The following CNTN3 variants were observed in gnomAD, a reference collection of about 807,000 sequenced individuals.
CNTN3 encodes contactin 3.
CNTN3 carries 60 observed loss-of-function variants against 119.1 expected under a neutral mutation model. The ratio of observed to expected loss-of-function variants is 0.50; its 90% confidence interval spans 0.41 to 0.62. The LOEUF (loss-of-function observed/expected upper bound fraction) is 0.62, where lower values mean the gene tolerates loss of function less well. Ranked by LOEUF, CNTN3 falls within the 20% of genes least tolerant of loss-of-function variation. The pLI is 0.00. For synonymous variants in CNTN3, 450 were observed against 438.7 expected, an observed-to-expected ratio of 1.03 and a Z score of -0.32; for missense variants, 1,101 against 1,242.4, an observed-to-expected ratio of 0.89 and a Z score of 1.71.
At chr3:74,599,412 A>G (rs1704871139) in intron 1 of CNTN3, among the ~76,000 whole-genome samples, 1 of 152,090 alleles carries the variant, frequency 6.6e-6, no homozygotes, top group African/African-American at 2.4e-5. Flanking sequence ...GCACTCTCCA[A>G]CCTTTTTGGC....
intron 1 of CNTN3, among the ~76,000 whole-genome samples, chr3:74,599,413 C>T (rs1423849153): frequency 2.6e-5 from 4 of 152,092 alleles, no homozygotes; most frequent in Non-Finnish European, 4.4e-5. Flanking sequence ...CACTCTCCAA[C>T]CTTTTTGGCA....
In CNTN3 at chr3:74,499,778, A is replaced by C; in HGVS notation, c.63T>G (p.Leu21=). 6.2e-7 allele frequency: 1 copy of C among 1,603,640 alleles called. No homozygotes were observed. The highest frequency in any genetic ancestry group is 8.5e-7 in the Non-Finnish European group (1 of 1,176,182). The change falls in exon 3 of 23, where the codon CTT becomes CTG. Residue 21 remains leucine, a synonymous_variant. Transcript: ENST00000263665. ...TGATAAATACAGGGCCTTGTAAGAG[A>C]AGCTCACCTATATGGGTGGGAGACA... is the stretch of plus-strand genomic sequence containing the variant. The part of the protein sequence containing the change: ...LSFIGCLGGE[L]LLQGPVFIKE...
At chr3:74,600,545 G>A (rs1704892836) in intron 1 of CNTN3, among the ~76,000 whole-genome samples, 1 of 152,012 alleles carries the variant, frequency 6.6e-6, no homozygotes, top group Non-Finnish European at 1.5e-5. Flanking sequence ...TCTAAGACTT[G>A]CTTTATAAGA....
intron 20 of CNTN3, among the ~76,000 whole-genome samples, chr3:74,281,340 T>A (rs1702003738): frequency 6.6e-6 from 1 of 152,152 alleles, no homozygotes; most frequent in African/African-American, 2.4e-5. Context: ...ATTTTTATTA[T>A]TATTTTTTGA....
chr3:74,396,835 A>G (rs1705070224), intron 5 of CNTN3, among the ~76,000 whole-genome samples: 1 of 152,048 alleles, frequency 6.6e-6, no homozygotes. Flanking sequence ...GGTTTAAGGA[A>G]AGAAGTCATC....
intron 13 of CNTN3, among the ~76,000 whole-genome samples, chr3:74,320,425 A>C (rs996003645): frequency 8.5e-5 from 13 of 152,090 alleles, no homozygotes; most frequent in Admixed American, 7.8e-4. Flanking sequence ...AGGACAAAAA[A>C]CCAAGCACCG....
chr3:74,420,535 T>G (rs1701600285), intron 5 of CNTN3, among the ~76,000 whole-genome samples: 1 of 152,216 alleles, frequency 6.6e-6, no homozygotes. Flanking sequence ...TTTAGTTAAC[T>G]CTGGAGATAT....
chr3:74,559,448 T>C (rs1009118572), intron 1 of CNTN3, among the ~76,000 whole-genome samples: 8 of 152,130 alleles, frequency 5.3e-5, no homozygotes, highest in Admixed American at 5.2e-4. Context: ...TTCCTTGTTA[T>C]CAGGAAGCTT....
intron 11 of CNTN3, among the ~76,000 whole-genome samples, chr3:74,355,072 G>A (rs1470695647): frequency 2.0e-5 from 3 of 152,036 alleles, no homozygotes; most frequent in African/African-American, 7.3e-5. Context: ...TTGTATGCAC[G>A]GATATATCCA....
At chr3:74,541,129 T>C (rs1703837213) in intron 1 of CNTN3, among the ~76,000 whole-genome samples, 1 of 152,162 alleles carries the variant, frequency 6.6e-6, no homozygotes. Context: ...ATCCTGACTG[T>C]AGGAGTGTAA....
In CNTN3 at chr3:74,295,053, G is replaced by T. The variant is rs971366471; in HGVS notation, c.2517+68C>A. On this transcript the variant is annotated intron_variant, in intron 19 of 22. Transcript: ENST00000263665. Reference sequence around the variant, plus strand: ...TTCAAATAAGAGGTCATTGTTAAGGGTTTTAAATTCAAGGAGACAAAGTGG... The same window carrying T: ...TTCAAATAAGAGGTCATTGTTAAGGTTTTTAAATTCAAGGAGACAAAGTGG... The T allele has an allele frequency of 5.5e-6, 6 of 1,091,924 alleles. No homozygotes were observed. In the Admixed American group the frequency reaches 9.7e-5, roughly 18 times the overall value. 67.6% of individuals were successfully genotyped at this position (1,091,924 alleles called of 1,614,324 possible).
rs1471260865 is a variant in CNTN3, at chr3:74,373,821, T to C, written c.455-2422A>G. ...CTATATGACACAGGAAATGACTGAC[T>C]GGTAGAAGAAGGAAGGAAGCCAAAA... On this transcript the variant is annotated intron_variant, in intron 5 of 22. Coordinates refer to ENST00000263665, the MANE Select transcript of CNTN3 (RefSeq NM_020872.3). 4.6e-5 allele frequency among the ~76,000 whole-genome samples: 7 copies of C among 152,118 alleles called. No homozygotes were observed. The South Asian group carries it at 1.2e-3, about 27-fold the overall frequency.
intron 2 of CNTN3, among the ~76,000 whole-genome samples, chr3:74,505,147 A>G (rs1703234680): frequency 6.6e-6 from 1 of 151,776 alleles, no homozygotes; most frequent in African/African-American, 2.4e-5. Flanking sequence ...GGCCCACACT[A>G]ATGACCTCAT....
Position 74,476,065 on chromosome 3 carries a change from C to T in CNTN3, c.358+10391G>A, listed in dbSNP as rs142223454. The stretch of plus-strand genomic sequence containing the variant: ...TGAAAGAAGTTTGTGACATGCCCTA[C>T]GGAGAAAATATAGGTGTTAGCTAAG... On this transcript the variant is annotated intron_variant, in intron 4 of 22. Transcript: ENST00000263665. Among the ~76,000 whole-genome samples the T allele has an allele frequency of 6.9e-4, 105 of 152,148 alleles. 3 individuals carry two copies. In the South Asian group the frequency reaches 7.5e-3, roughly 11 times the overall value.
intron 1 of CNTN3, among the ~76,000 whole-genome samples, chr3:74,566,692 T>C (rs1204499703): frequency 6.6e-6 from 1 of 152,162 alleles, no homozygotes; most frequent in Non-Finnish European, 1.5e-5. Context: ...CTTTACTTGG[T>C]TACATCTGCA....
rs577834619 is a variant in CNTN3, at chr3:74,436,864, G to T, written c.359-11924C>A. 1.6e-4 allele frequency among the ~76,000 whole-genome samples: 24 copies of T among 152,212 alleles called. No homozygotes were observed. In the South Asian group the frequency reaches 5.0e-3, roughly 32 times the overall value. ...AGTAAAACAGCAATTGGAAATCAAA[G>T]AAAATTCATAATGAGTGTGGCTTAT... On this transcript the variant is annotated intron_variant, in intron 4 of 22. Transcript: ENST00000263665.
chr3:74,452,230 C>T (rs1315689434), intron 4 of CNTN3, among the ~76,000 whole-genome samples: 5 of 141,852 alleles, frequency 3.5e-5, no homozygotes, highest in Admixed American at 7.1e-5. Context: ...AGGTCCTTCA[C>T]GTCCCTTGTA....
chr3:74,390,807 T>C (rs1232393190), intron 5 of CNTN3, among the ~76,000 whole-genome samples: 1 of 152,166 alleles, frequency 6.6e-6, no homozygotes, highest in African/African-American at 2.4e-5. Flanking sequence ...GATTTAGCAG[T>C]GTTCAGATAA....
intron 5 of CNTN3, among the ~76,000 whole-genome samples, chr3:74,418,958 T>A (rs986473142): frequency 1.4e-5 from 2 of 139,388 alleles, no homozygotes; most frequent in African/African-American, 5.6e-5. Context: ...GCCTGGATAA[T>A]TTTTTTTTTT....
Sources: allele counts gnomAD v4.1 joint callset (sites outside exome capture counted in the v4.1 genomes callset), GRCh38; gene constraint gnomAD v4.1.1; transcripts MANE v1.5; gene names NCBI Gene and HGNC (gene_info 2026-07-23, HGNC 2026-07-21).